SORBS2: variants seen among roughly 807,000 people sequenced by gnomAD.
The protein encoded by SORBS2 is sorbin and SH3 domain containing 2, also known as sorbin and SH3 domain-containing protein 2.
A neutral mutation model predicts 97.7 loss-of-function variants in SORBS2; 46 were observed. The ratio of observed to expected loss-of-function variants is 0.47; its 90% CI spans 0.37 to 0.60. The LOEUF (loss-of-function observed/expected upper bound fraction) is 0.60. Among genes scored for constraint, SORBS2 ranks in the 20% least tolerant of loss-of-function variants. SORBS2 has a pLI of 0.00. For missense variants in SORBS2, 1,316 were observed against 1,282.3 expected (o/e 1.03, Z -0.40); for synonymous variants, 476 against 473.4 (o/e 1.01, Z -0.07).
At chr4:185,810,885 C>T (rs1485073332) in intron 1 of SORBS2, 1 of 152,136 alleles carries the variant, frequency 6.6e-6, no homozygotes, top group African/African-American at 2.4e-5. Flanking sequence ...TCTCTGAAAC[C>T]TATCTGCTTG....
At chr4:185,657,535 G>T (rs929632939), upstream of SORBS2, 2 of 1,582,096 alleles carry the variant, frequency 1.3e-6, no homozygotes, top group East Asian at 2.4e-5. Context: ...GGTACAGGGG[G>T]ATAGAGCTGC....
rs554333172 is a variant in SORBS2, at chr4:185,730,190, A to G, written c.-198+45037T>C. On this transcript the variant is annotated intron_variant, in intron 2 of 20. Transcript: ENST00000284776. ...GATGGTCTCGATCTGTGAAGTTTAC[A>G]TTTTCAAAGAATGTTTTAATGATAT... Among the ~76,000 whole-genome samples the G allele has an allele frequency of 2.6e-4, 39 of 152,036 alleles. No individual in the cohort carries two copies. The South Asian group carries it at 7.3e-3, about 28-fold the overall frequency.
At chr4:185,666,477 G>A (rs886263787) in intron 4 of SORBS2, among the ~76,000 whole-genome samples, 1 of 152,162 alleles carries the variant, frequency 6.6e-6, no homozygotes, top group Non-Finnish European at 1.5e-5. Context: ...TTGGCATAAC[G>A]AAACTGTTTC....
At chr4:185,878,113 A>G (rs1303938976) in intron 1 of SORBS2, among the ~76,000 whole-genome samples, 1 of 152,138 alleles carries the variant, frequency 6.6e-6, no homozygotes, top group African/African-American at 2.4e-5. Flanking sequence ...AAAAGAGCCA[A>G]TTATCTCCTA....
chr4:185,949,402 C>T (rs1048298013), intron 1 of SORBS2, among the ~76,000 whole-genome samples: 1 of 152,080 alleles, frequency 6.6e-6, no homozygotes, highest in Non-Finnish European at 1.5e-5. Context: ...ATTCATTATC[C>T]TATTTAAACC....
intron 1 of SORBS2, among the ~76,000 whole-genome samples, chr4:185,908,106 G>A (rs1378424439): frequency 6.6e-6 from 1 of 151,530 alleles, no homozygotes; most frequent in African/African-American, 2.4e-5. Flanking sequence ...TCAGGATATT[G>A]CTTTTGCTTT....
At chr4:185,935,078 A>G (rs1260558161) in intron 1 of SORBS2, among the ~76,000 whole-genome samples, 1 of 152,200 alleles carries the variant, frequency 6.6e-6, no homozygotes, top group East Asian at 1.9e-4. Context: ...TCAGCCAACA[A>G]TCAAGGCTAA....
intron 2 of SORBS2, among the ~76,000 whole-genome samples, chr4:185,736,911 C>G (rs1348862940): frequency 6.6e-6 from 1 of 152,192 alleles, no homozygotes; most frequent in Non-Finnish European, 1.5e-5. Flanking sequence ...CTAACAATAC[C>G]ATACCTACTG....
At chr4:185,689,142 A>G (rs1290475491) in intron 2 of SORBS2, among the ~76,000 whole-genome samples, 2 of 152,230 alleles carry the variant, frequency 1.3e-5, no homozygotes, top group African/African-American at 4.8e-5. Flanking sequence ...CCATCAACAC[A>G]GCATATTCAG....
At chr4:185,670,546 G>A (rs998092457) in intron 4 of SORBS2, among the ~76,000 whole-genome samples, 16 of 151,942 alleles carry the variant, frequency 1.1e-4, no homozygotes, top group African/African-American at 3.6e-4. Context: ...AAATCTGACA[G>A]GCTTTTGTTC....
At chr4:185,615,109 T>C (rs2096607883) in exon 10 of SORBS2, 4 of 1,613,822 alleles carry the variant, frequency 2.5e-6, no homozygotes, top group Middle Eastern at 1.6e-4. Flanking sequence ...CCAATTTTGA[T>C]CAATTTTCCT....
chr4:185,806,485 T>G, intron 1 of SORBS2, among the ~76,000 whole-genome samples: 1 of 107,846 alleles, frequency 9.3e-6, no homozygotes, highest in Non-Finnish European at 1.7e-5. Context: ...TGAGACGGAG[T>G]CTCGCTCTGT....
At chr4:185,757,353 G>A in intron 2 of SORBS2, 1 of 155,360 alleles carries the variant, frequency 6.4e-6, no homozygotes, top group Non-Finnish European at 1.4e-5. Context: ...CAGGGCAAAT[G>A]CCTTTACTGC....
At chr4:185,636,249 C>T (rs962293538) in intron 4 of SORBS2, among the ~76,000 whole-genome samples, 10 of 152,180 alleles carry the variant, frequency 6.6e-5, no homozygotes, top group Admixed American at 2.6e-4. Flanking sequence ...TTTACATTCA[C>T]ACTAAGATAC....
chr4:185,636,833 G>C (rs1446185760), intron 4 of SORBS2, among the ~76,000 whole-genome samples: 1 of 152,118 alleles, frequency 6.6e-6, no homozygotes, highest in Non-Finnish European at 1.5e-5. Flanking sequence ...ATTTTTAGCA[G>C]AGACGGGGTT....
chr4:185,742,486 A>G (rs1370999564), intron 2 of SORBS2, among the ~76,000 whole-genome samples: 3 of 152,212 alleles, frequency 2.0e-5, no homozygotes, highest in Non-Finnish European at 4.4e-5. Flanking sequence ...CTGCCCAGAC[A>G]TACGGATCCA....
chr4:185,718,996 A>T (rs755944560), intron 2 of SORBS2, among the ~76,000 whole-genome samples: 4 of 152,246 alleles, frequency 2.6e-5, no homozygotes, highest in Admixed American at 6.5e-5. Flanking sequence ...CCTGCAAATG[A>T]GTCACACTCT....
intron 3 of SORBS2, among the ~76,000 whole-genome samples, chr4:185,648,342 C>A (rs1315187203): frequency 1.3e-5 from 2 of 151,972 alleles, no homozygotes; most frequent in African/African-American, 4.8e-5. Context: ...TGGTGAAACA[C>A]CATACAAAAA....
intron 1 of SORBS2, among the ~76,000 whole-genome samples, chr4:185,804,279 A>T (rs938342349): frequency 6.6e-6 from 1 of 152,172 alleles, no homozygotes; most frequent in South Asian, 2.1e-4. Flanking sequence ...TGTGAATTTT[A>T]TTTGTTACAA....
Sources: gnomAD v4.1 joint callset for allele counts (sites outside exome capture counted in the v4.1 genomes callset) on GRCh38, gnomAD v4.1.1 for gene constraint, MANE v1.5 for transcripts, NCBI Gene and HGNC (gene_info 2026-07-23, HGNC 2026-07-21) for gene names.